SOX6: variants seen among roughly 807,000 people sequenced by gnomAD.
The protein encoded by SOX6 is SRY-box transcription factor 6.
SOX6 carries 11 observed loss-of-function variants against 97.8 expected under a neutral mutation model. The observed-to-expected ratio is 0.11, with a 90% confidence interval of 0.07 to 0.19. The LOEUF (loss-of-function observed/expected upper bound fraction) is 0.19, where lower values mean the gene tolerates loss of function less well. Ranked by LOEUF, SOX6 falls within the 10% of genes least tolerant of loss-of-function variation. The probability of loss-of-function intolerance (pLI) is 1.00; values close to 1 mark genes in which losing one functional copy is unlikely to be tolerated. For missense variants in SOX6, 810 were observed against 1,039.5 expected (o/e 0.78, Z 3.04); for synonymous variants, 360 against 371.4 (o/e 0.97, Z 0.35).
intron 12 of SOX6, among the ~76,000 whole-genome samples, chr11:16,032,344 T>C (rs1312966532): frequency 6.6e-6 from 1 of 152,224 alleles, no homozygotes; most frequent in African/African-American, 2.4e-5. Flanking sequence ...AAGATATCAA[T>C]AATCTTTACC....
intron 1 of SOX6, among the ~76,000 whole-genome samples, chr11:16,379,894 A>C (rs1857758854): frequency 6.6e-6 from 1 of 152,104 alleles, no homozygotes; most frequent in African/African-American, 2.4e-5. Flanking sequence ...ATAGTCTGCA[A>C]CCATTAAAAT....
rs537795698 is a variant in SOX6 at position 16,605,424 on chromosome 11, G to A, written n.609+6657C>T. On this transcript the variant is annotated intron_variant and non_coding_transcript_variant, in intron 4 of 5. Transcript: ENST00000524520. The surrounding 1 kb of genome is among the most constrained non-coding windows in gnomAD (Gnocchi z 5.3). ...TGGATTTCGGATGGGCTTGGAATTC[G>A]GTTTGTTTATTCCTGAAAAGATCAT... 2.0e-5 allele frequency among the ~76,000 whole-genome samples: 3 copies of A among 152,240 alleles called. No homozygotes were observed. Among genetic ancestry groups the A allele is most frequent in the African/African-American group, 7.2e-5 (3 of 41,548 alleles).
At chr11:16,130,114 G>T (rs925907457) in intron 6 of SOX6, among the ~76,000 whole-genome samples, 9 of 151,372 alleles carry the variant, frequency 5.9e-5, no homozygotes, top group African/African-American at 2.2e-4. Flanking sequence ...CAACATAAAA[G>T]GCCAATAACA....
rs1029128137 is a variant in SOX6, at chr11:16,352,293, TGGATGGAA to T, written c.-5+3793_-5+3800del. 2.0e-4 allele frequency among the ~76,000 whole-genome samples: 30 copies of T among 147,822 alleles called. No individual in the cohort carries two copies. The East Asian group carries it at 4.3e-3, about 21-fold the overall frequency. ...ATGGATGGATGGATGGATGGATGGA[TGGATGGAA>T]GGATGGATGGATGTTGAAGAGATGG... On this transcript the variant is annotated intron_variant, in intron 1 of 15. Coordinates refer to ENST00000683767, the MANE Select transcript of SOX6 (RefSeq NM_001367873.1).
intron 3 of SOX6, among the ~76,000 whole-genome samples, chr11:16,652,046 T>C (rs1590039047): frequency 6.6e-6 from 1 of 152,000 alleles, no homozygotes; most frequent in African/African-American, 2.4e-5. Context: ...CCTAAAAATA[T>C]ACCTAACCAA....
At chr11:16,086,228 G>A (rs72866372) in intron 9 of SOX6, among the ~76,000 whole-genome samples, 5 of 152,268 alleles carry the variant, frequency 3.3e-5, no homozygotes, top group African/African-American at 9.6e-5. Context: ...AAATTAAATC[G>A]TTTAAAATAA....
chr11:16,648,099 TG>T (rs1271748587), intron 3 of SOX6, among the ~76,000 whole-genome samples: 2 of 152,066 alleles, frequency 1.3e-5, no homozygotes, highest in Admixed American at 6.5e-5. Flanking sequence ...GTAGGCAGAC[TG>T]GAAAGGGTGA....
chr11:16,368,725 A>G (rs1349667901), intron 1 of SOX6, among the ~76,000 whole-genome samples: 2 of 152,164 alleles, frequency 1.3e-5, no homozygotes, highest in East Asian at 3.8e-4. Context: ...AAAAAATCAG[A>G]TAATTGGATT....
chr11:16,221,528 C>T (rs912390453), intron 4 of SOX6, among the ~76,000 whole-genome samples: 17 of 152,138 alleles, frequency 1.1e-4, no homozygotes, highest in Middle Eastern at 6.8e-3. Context: ...TTTATCAAAG[C>T]TATTTGTATA....
At chr11:16,144,387 C>T (rs1331672770) in intron 6 of SOX6, among the ~76,000 whole-genome samples, 1 of 152,106 alleles carries the variant, frequency 6.6e-6, no homozygotes, top group African/African-American at 2.4e-5. Context: ...TAAATGCCCA[C>T]AAGAGAAAGC....
At chr11:16,253,115 AG>A (rs1448464269) in intron 3 of SOX6, among the ~76,000 whole-genome samples, 1 of 152,190 alleles carries the variant, frequency 6.6e-6, no homozygotes, top group Admixed American at 6.5e-5. Context: ...TGGGAGGCCT[AG>A]GCGGGCAGAT....
At chr11:16,621,757 C>T (rs1042830518) in intron 3 of SOX6, among the ~76,000 whole-genome samples, 5 of 152,122 alleles carry the variant, frequency 3.3e-5, no homozygotes, top group African/African-American at 9.7e-5. Context: ...CTAAGTCATT[C>T]CTATCTCCTA....
At chr11:16,632,285 C>A (rs1351601849) in intron 3 of SOX6, among the ~76,000 whole-genome samples, 1 of 151,854 alleles carries the variant, frequency 6.6e-6, no homozygotes, top group African/African-American at 2.4e-5. Context: ...GGGGTTTTTT[C>A]TTTCCCTTTC....
At chr11:16,129,958 T>C (rs1310632322) in intron 6 of SOX6, among the ~76,000 whole-genome samples, 1 of 151,914 alleles carries the variant, frequency 6.6e-6, no homozygotes, top group African/African-American at 2.4e-5. Context: ...TCCTCATCAG[T>C]CCAATAAGCA....
intron 9 of SOX6, among the ~76,000 whole-genome samples, chr11:16,063,304 C>T (rs1458525980): frequency 6.6e-6 from 1 of 150,790 alleles, no homozygotes; most frequent in African/African-American, 2.4e-5. Flanking sequence ...GACTCAGCCT[C>T]ATGGTGAAAC....
intron 4 of SOX6, among the ~76,000 whole-genome samples, chr11:16,193,332 G>A (rs574206607): frequency 3.0e-4 from 46 of 151,960 alleles, no homozygotes; most frequent in African/African-American, 8.9e-4. Context: ...TGATTGCATC[G>A]CTGCACCCCA....
intron 3 of SOX6, among the ~76,000 whole-genome samples, chr11:16,618,363 T>A (rs1381731499): frequency 6.6e-6 from 1 of 151,980 alleles, no homozygotes; most frequent in Non-Finnish European, 1.5e-5. Context: ...ATATAGCCCA[T>A]GTTGCCAATA....
intron 5 of SOX6, among the ~76,000 whole-genome samples, chr11:16,185,938 A>G (rs1851460976): frequency 6.6e-6 from 1 of 152,184 alleles, no homozygotes; most frequent in Non-Finnish European, 1.5e-5. Flanking sequence ...CATTTAACTG[A>G]AAAGATAATT....
chr11:16,071,998 C>A (rs1453276432), intron 9 of SOX6, among the ~76,000 whole-genome samples: 2 of 151,966 alleles, frequency 1.3e-5, no homozygotes, highest in Non-Finnish European at 2.9e-5. Flanking sequence ...AGAACCAGCG[C>A]AAGAACTCTG....
Sources: allele counts gnomAD v4.1 joint callset (sites outside exome capture counted in the v4.1 genomes callset), GRCh38; gene constraint gnomAD v4.1.1; non-coding constraint Gnocchi (gnomAD v3.1); transcripts MANE v1.5; gene names NCBI Gene and HGNC (gene_info 2026-07-23, HGNC 2026-07-21).